Variants in NALCN observed in about 807,000 individuals in gnomAD.
NALCN encodes sodium leak channel, non-selective, also known as sodium leak channel NALCN.
In NALCN, 111 loss-of-function variants were observed where a neutral mutation model predicts 225.3. That is an observed-to-expected ratio of 0.49 (90% CI 0.42 to 0.58). The LOEUF (loss-of-function observed/expected upper bound fraction) is 0.58, where lower values mean the gene tolerates loss of function less well. Among genes scored for constraint, NALCN ranks in the 20% least tolerant of loss-of-function variants. The pLI, the probability that NALCN is intolerant of heterozygous loss-of-function variation, is 0.00. For missense variants in NALCN, 1,378 were observed against 2,202.4 expected (o/e 0.63, Z 7.49); for synonymous variants, 764 against 769.0 (o/e 0.99, Z 0.11).
At chr13:101,269,384 A>G (rs1279376796) in intron 10 of NALCN, among the ~76,000 whole-genome samples, 1 of 152,132 alleles carries the variant, frequency 6.6e-6, no homozygotes, top group African/African-American at 2.4e-5. Context: ...TTCTGAGGAA[A>G]GTAGCCTCGG....
At chr13:101,181,071 AG>A in intron 14 of NALCN, 1 of 518,636 alleles carries the variant, frequency 1.9e-6, no homozygotes, top group Non-Finnish European at 3.9e-6. Flanking sequence ...CACATGGGCC[AG>A]GGGGGCACTT....
At chr13:101,187,960 G>T (rs948291570) in intron 14 of NALCN, among the ~76,000 whole-genome samples, 35 of 152,156 alleles carry the variant, frequency 2.3e-4, no homozygotes, top group African/African-American at 8.4e-4. Flanking sequence ...TAATACAGGT[G>T]GTGGGCTGGA....
In NALCN at chr13:101,378,251, C is replaced by A. The variant is rs550410678; in HGVS notation, c.375+319G>T. 2.0e-5 allele frequency among the ~76,000 whole-genome samples: 3 copies of A among 151,974 alleles called. No individual in the cohort carries two copies. In the South Asian group the frequency reaches 6.2e-4, roughly 31 times the overall value. ...ATATTACAGCTATTGACTTTTCTAA[C>A]AATAAAATGTTTGAGGTGATATAAA... On this transcript the variant is annotated intron_variant, in intron 4 of 43. Transcript: ENST00000251127.
intron 7 of NALCN, among the ~76,000 whole-genome samples, chr13:101,341,776 C>T (rs1447824896): frequency 1.3e-5 from 2 of 152,136 alleles, no homozygotes; most frequent in Non-Finnish European, 2.9e-5. Flanking sequence ...GCTGATGTTT[C>T]CCCCAAATTC....
Position 101,258,438 on chromosome 13 carries a change from C to T in NALCN, c.1266+5G>A, listed in dbSNP as rs766888744. 6.2e-6 allele frequency: 10 copies of T among 1,613,958 alleles called. No individual in the cohort carries two copies. The highest frequency in any genetic ancestry group is 5.5e-5 in the South Asian group (5 of 91,070). ...CAGCGATCTGCACGGTGGAGAGCTGCTTACCTCCGCCAGGTAGAACTCGTC... is the reference window on the plus strand; with the variant it reads ...CAGCGATCTGCACGGTGGAGAGCTGTTTACCTCCGCCAGGTAGAACTCGTC... On this transcript the variant is annotated splice_donor_5th_base_variant and intron_variant, in intron 11 of 43. Coordinates refer to ENST00000251127, the MANE Select transcript of NALCN (RefSeq NM_052867.4).
At chr13:101,233,839 A>G (rs972401683) in intron 12 of NALCN, among the ~76,000 whole-genome samples, 1 of 152,160 alleles carries the variant, frequency 6.6e-6, no homozygotes, top group African/African-American at 2.4e-5. Context: ...GATGATACCG[A>G]TATGTAAGAA....
At chr13:101,379,164 G>A (rs1408994996) in intron 3 of NALCN, among the ~76,000 whole-genome samples, 3 of 152,140 alleles carry the variant, frequency 2.0e-5, no homozygotes, top group Non-Finnish European at 4.4e-5. Context: ...AAACCACAAT[G>A]AGATACCATC....
intron 10 of NALCN, among the ~76,000 whole-genome samples, chr13:101,259,751 T>TATATATATATATATAC (rs10622707): frequency 1.3e-3 from 178 of 131,930 alleles, no homozygotes; most frequent in East Asian, 5.0e-3. Flanking sequence ...TATATATATA[T>TATATATATATATATAC]ACACACACAC....
rs916342275 is a variant in NALCN, at chr13:101,105,424, C to T, written c.2580-474G>A. On this transcript the variant is annotated intron_variant, in intron 22 of 43. Coordinates refer to ENST00000251127, the MANE Select transcript of NALCN (RefSeq NM_052867.4). ...TTTAGAATTTCTTGGAAGGGAGAGT[C>T]GTTGTTTCTACTTTCAGGAAGCCTG... 4.6e-5 allele frequency among the ~76,000 whole-genome samples: 7 copies of T among 152,224 alleles called. No homozygotes were observed. In the South Asian group the frequency reaches 6.2e-4, roughly 14 times the overall value.
chr13:101,351,607 G>A (rs1312558973), intron 6 of NALCN, among the ~76,000 whole-genome samples: 1 of 152,102 alleles, frequency 6.6e-6, no homozygotes, highest in Admixed American at 6.6e-5. Context: ...TCAGTTCGGT[G>A]ATTAACCAAC....
At chr13:101,322,139 T>C (rs1356656401) in intron 7 of NALCN, among the ~76,000 whole-genome samples, 1 of 152,232 alleles carries the variant, frequency 6.6e-6, no homozygotes, top group Admixed American at 6.5e-5. Flanking sequence ...ATTAACTGGA[T>C]ATCATTTCAT....
rs576419495 is a variant in NALCN, at chr13:101,399,208, C to T, written c.-39-43G>A. Reference sequence around the variant, plus strand: ...TGTATTTGTCATCTAAACCATCTTGCCCTCATCAAAAAATTGAGTTCCCCA... The same window carrying T: ...TGTATTTGTCATCTAAACCATCTTGTCCTCATCAAAAAATTGAGTTCCCCA... On this transcript the variant is annotated intron_variant, in intron 1 of 43. Transcript: ENST00000251127. 4.8e-5 allele frequency: 73 copies of T among 1,510,520 alleles called. 1 individual carries two copies. In the African/African-American group the frequency reaches 9.7e-4, roughly 20 times the overall value. 93.6% of individuals were successfully genotyped at this position (1,510,520 alleles called of 1,614,324 possible). A position where few individuals can be genotyped will look rare whatever the true frequency, so the allele number is the denominator to read the frequency against.
intron 9 of NALCN, among the ~76,000 whole-genome samples, chr13:101,291,243 C>A (rs1475324850): frequency 6.6e-6 from 1 of 152,164 alleles, no homozygotes; most frequent in African/African-American, 2.4e-5. Flanking sequence ...GTGGTTTGTT[C>A]TGAATGAAAT....
intron 15 of NALCN, among the ~76,000 whole-genome samples, chr13:101,158,042 C>T (rs2139852162): frequency 6.6e-6 from 1 of 152,198 alleles, no homozygotes; most frequent in East Asian, 1.9e-4. Context: ...GAGCAACCAA[C>T]TGTCTTTTCT....
chr13:101,115,219 G>A (rs949781504), intron 18 of NALCN, among the ~76,000 whole-genome samples: 1 of 151,736 alleles, frequency 6.6e-6, no homozygotes, highest in Non-Finnish European at 1.5e-5. Context: ...TGCCACTCAA[G>A]AATAATGGGC....
chr13:101,413,579 G>A (rs971083570), intron 1 of NALCN, among the ~76,000 whole-genome samples: 1 of 151,878 alleles, frequency 6.6e-6, no homozygotes, highest in Admixed American at 6.6e-5. Context: ...CAGTATAAAA[G>A]TTGTCCAATG....
rs544345432 is a variant in NALCN at position 101,153,949 on chromosome 13, C to T, written c.1840-9053G>A. ...TGCTCTAACCTGTAGGTCTGTGCCC[C>T]CCTCACACAGGGATGTCACATGAAG... On this transcript the variant is annotated intron_variant, in intron 15 of 43. Coordinates refer to ENST00000251127, the MANE Select transcript of NALCN (RefSeq NM_052867.4). 9.2e-5 allele frequency among the ~76,000 whole-genome samples: 14 copies of T among 152,268 alleles called. No homozygotes were observed. In the South Asian group the frequency reaches 2.3e-3, roughly 25 times the overall value.
intron 27 of NALCN, among the ~76,000 whole-genome samples, chr13:101,097,488 C>T (rs959354711): frequency 2.6e-5 from 4 of 152,276 alleles, no homozygotes; most frequent in Admixed American, 2.6e-4. Context: ...CCTGAGCCCA[C>T]CTTTGATTGC....
intron 13 of NALCN, among the ~76,000 whole-genome samples, chr13:101,228,373 T>C (rs1464989792): frequency 6.6e-6 from 1 of 152,158 alleles, no homozygotes; most frequent in African/African-American, 2.4e-5. Flanking sequence ...ATGATATGGT[T>C]TGGCTGTGTC....
Sources: allele counts gnomAD v4.1 joint callset (sites outside exome capture counted in the v4.1 genomes callset), GRCh38; gene constraint gnomAD v4.1.1; transcripts MANE v1.5; gene names NCBI Gene and HGNC (gene_info 2026-07-23, HGNC 2026-07-21).